Variants in DNAH11 observed in about 807,000 individuals in gnomAD.
DNAH11 encodes the protein dynein axonemal heavy chain 11.
A neutral mutation model predicts 526.0 loss-of-function variants in DNAH11; 442 were observed. The observed-to-expected ratio is 0.84, with a 90% CI of 0.78 to 0.91. The LOEUF (loss-of-function observed/expected upper bound fraction) is 0.91. Among genes scored for constraint, DNAH11 ranks in the 40% least tolerant of loss-of-function variants. The probability of loss-of-function intolerance (pLI) is 0.00; values close to 1 mark genes in which losing one functional copy is unlikely to be tolerated. For missense variants in DNAH11, 6,989 were observed against 5,448.7 expected (o/e 1.28, Z -8.90); for synonymous variants, 2,461 against 1,935.9 (o/e 1.27, Z -7.12).
chr7:21,895,266 CTT>C (rs1562609044), intron 79 of DNAH11, among the ~76,000 whole-genome samples: 1 of 152,178 alleles, frequency 6.6e-6, no homozygotes, highest in African/African-American at 2.4e-5. Context: ...TAACCTGTCT[CTT>C]TTTTAAATCT....
At chr7:21,715,232 G>A (rs149858660) in intron 42 of DNAH11, among the ~76,000 whole-genome samples, 1 of 152,228 alleles carries the variant, frequency 6.6e-6, no homozygotes, top group African/African-American at 2.4e-5. Flanking sequence ...AACCCCAGAG[G>A]CCTGAGTAAT....
chr7:21,726,281 A>G (rs1203308063), intron 45 of DNAH11, among the ~76,000 whole-genome samples: 2 of 152,206 alleles, frequency 1.3e-5, no homozygotes, highest in East Asian at 3.9e-4. Context: ...TCATTAGAAT[A>G]GTACCAAGAT....
Position 21,658,816 on chromosome 7 carries a change from C to G in DNAH11, c.5113C>G (p.Gln1705Glu). ...TCCAAAGGTGGAAACATGGCTTCTG[C>G]AACTTGAACAGACTATGCAAGAAAC... Reference protein sequence around the residue: ...CVGHVETWLLQLEQTMQETVR... With the variant: ...CVGHVETWLLELEQTMQETVR... The change falls in exon 30 of 82, where the codon CAA becomes GAA. Residue 1705 changes from glutamine to glutamate, a missense_variant. Coordinates refer to ENST00000409508, the MANE Select transcript of DNAH11 (RefSeq NM_001277115.2). The G allele has an allele frequency of 6.3e-7, 1 of 1,584,464 alleles. No individual in the cohort carries two copies. Among genetic ancestry groups the G allele is most frequent in the Non-Finnish European group, 8.6e-7 (1 of 1,165,020 alleles).
Position 21,864,537 on chromosome 7 carries a change from T to G in DNAH11, c.11376T>G (p.Ile3792Met), listed in dbSNP as rs1783196130. The change falls in exon 70 of 82, where the codon ATT becomes ATG. Residue 3792 changes from isoleucine (I) to methionine (M), a missense_variant and splice_region_variant. Transcript: ENST00000409508. The stretch of plus-strand genomic sequence containing the variant: ...TTTCAATTTTGTCTACTCTCAAGAT[T>G]TTGTTGAGAAAGAAAGAGATAGACC... ...LTFLSQMAFQ[I>M]LLRKKEIDPL... 3.7e-6 allele frequency: 6 copies of G among 1,610,928 alleles called. No individual in the cohort carries two copies. The highest frequency in any genetic ancestry group is 5.1e-6 in the Non-Finnish European group (6 of 1,178,614).
At position 21,901,119 on chromosome 7, in the gene DNAH11, C is replaced by T; in HGVS notation, c.13416C>T (p.Thr4472=). Reference sequence around the variant, plus strand: ...CCACCCCCGTGGACAGACAAGAAACCAAACAGACCTACGAGTGCCCTGTGT... The same window carrying T: ...CCACCCCCGTGGACAGACAAGAAACTAAACAGACCTACGAGTGCCCTGTGT... ...AKATPVDRQE[T]KQTYECPVYR... Residue 4472 remains threonine (T), a synonymous_variant, in exon 82 of 82, where the codon ACC becomes ACT. Coordinates refer to ENST00000409508, the MANE Select transcript of DNAH11 (RefSeq NM_001277115.2). The T allele has an allele frequency of 6.2e-7, 1 of 1,613,386 alleles. No individual in the cohort carries two copies. The highest frequency in any genetic ancestry group is 8.5e-7 in the Non-Finnish European group (1 of 1,179,478).
intron 45 of DNAH11, among the ~76,000 whole-genome samples, 198 bp from the exon 46 acceptor site, chr7:21,735,442 A>G (rs1229771980): frequency 2.0e-5 from 3 of 152,206 alleles, no homozygotes. Context: ...CTCAAGCTAC[A>G]ATGTCTGAAC....
At chr7:21,851,630 C>G (rs1782642618) in intron 66 of DNAH11, 1 of 471,270 alleles carries the variant, frequency 2.1e-6, no homozygotes, top group South Asian at 1.5e-5. Flanking sequence ...AACCGGATGG[C>G]ATTTCCTGGA....
intron 34 of DNAH11, among the ~76,000 whole-genome samples, chr7:21,688,108 C>G (rs922385636): frequency 6.6e-6 from 1 of 152,146 alleles, no homozygotes; most frequent in African/African-American, 2.4e-5. Flanking sequence ...TTGATCAGTT[C>G]TCAGTCCTCA....
chr7:21,840,327 AT>A (rs1782157523), intron 65 of DNAH11, among the ~76,000 whole-genome samples: 3 of 152,186 alleles, frequency 2.0e-5, no homozygotes, highest in Admixed American at 6.5e-5. Context: ...GGCAATAAAT[AT>A]TTTTTTCTCA....
chr7:21,785,885 G>T (rs1192136642), intron 58 of DNAH11, among the ~76,000 whole-genome samples: 4 of 152,236 alleles, frequency 2.6e-5, no homozygotes, highest in Admixed American at 2.0e-4. Context: ...ATAAGCAAGA[G>T]TGTATTATGT....
intron 39 of DNAH11, among the ~76,000 whole-genome samples, chr7:21,705,877 G>T (rs764429800): frequency 6.6e-6 from 1 of 152,126 alleles, no homozygotes; most frequent in Non-Finnish European, 1.5e-5. Context: ...ATACATTTAT[G>T]CTTGGATTCT....
Position 21,901,271 on chromosome 7 carries a change from C to T in DNAH11, c.*17C>T. ...GAAGCGTAAGGTAACACTGGCATTC[C>T]TCTAGCCTCTGCTGGAGTGCAGTGA... On this transcript the variant is annotated 3_prime_UTR_variant, in exon 82 of 82. Transcript: ENST00000409508. The T allele has an allele frequency of 6.3e-7, 1 of 1,587,200 alleles. No individual in the cohort carries two copies. Among genetic ancestry groups the T allele is most frequent in the Non-Finnish European group, 8.6e-7 (1 of 1,166,400 alleles).
chr7:21,711,643 G>A (rs1443201663), intron 41 of DNAH11, 69 bp from the exon 42 acceptor site: 1 of 1,563,634 alleles, frequency 6.4e-7, no homozygotes, highest in Non-Finnish European at 8.7e-7. Context: ...GTAGGGGAAA[G>A]TACTTGTTGC....
chr7:21,579,936 C>T (rs185867002), intron 8 of DNAH11, among the ~76,000 whole-genome samples: 2 of 152,170 alleles, frequency 1.3e-5, no homozygotes, highest in Admixed American at 1.3e-4. Flanking sequence ...TAGAGAGACT[C>T]CAGAGGTAGT....
chr7:21,606,850 A>G (rs1165481829), intron 20 of DNAH11, 117 bp downstream of exon 20: 6 of 908,650 alleles, frequency 6.6e-6, no homozygotes, highest in South Asian at 3.3e-5. Context: ...GAATTGATTT[A>G]TTTAAAACCC....
At chr7:21,692,169 A>G (rs909523999) in intron 35 of DNAH11, among the ~76,000 whole-genome samples, 1 of 152,156 alleles carries the variant, frequency 6.6e-6, no homozygotes, top group Non-Finnish European at 1.5e-5. Context: ...TATTAGAGAA[A>G]GAGAGATCAG....
chr7:21,593,034 G>A (rs1267605334), intron 14 of DNAH11, among the ~76,000 whole-genome samples: 1 of 152,122 alleles, frequency 6.6e-6, no homozygotes, highest in Non-Finnish European at 1.5e-5. Context: ...CATATGTATG[G>A]TATTTAGAGC....
At chr7:21,660,756 T>C (rs1035120997) in intron 30 of DNAH11, among the ~76,000 whole-genome samples, 1 of 152,078 alleles carries the variant, frequency 6.6e-6, no homozygotes, top group Non-Finnish European at 1.5e-5. Context: ...GCTATTTATA[T>C]ATAAGTGTAA....
At chr7:21,813,585 T>A (rs1789628014) in intron 63 of DNAH11, among the ~76,000 whole-genome samples, 2 of 152,220 alleles carry the variant, frequency 1.3e-5, no homozygotes, top group Admixed American at 1.3e-4. Context: ...GTTGGTCAGT[T>A]TTTAGAGGCC....
Sources: gnomAD v4.1 joint callset for allele counts (sites outside exome capture counted in the v4.1 genomes callset) on GRCh38, gnomAD v4.1.1 for gene constraint, MANE v1.5 for transcripts, NCBI Gene and HGNC (gene_info 2026-07-23, HGNC 2026-07-21) for gene names.